PCDH9: variants seen among roughly 807,000 people sequenced by gnomAD.
PCDH9 encodes the protein protocadherin-9.
In PCDH9, 24 loss-of-function variants were observed where a neutral mutation model predicts 70.6. The observed-to-expected ratio is 0.34, with a 90% CI of 0.25 to 0.48. The LOEUF (loss-of-function observed/expected upper bound fraction) is 0.48, where lower values mean the gene tolerates loss of function less well. Ranked by LOEUF, PCDH9 falls within the 20% of genes least tolerant of loss-of-function variation. PCDH9 has a pLI of 0.99. For synonymous variants in PCDH9, 562 were observed against 558.5 expected, an observed-to-expected ratio of 1.01 and a Z score of -0.09; for missense variants, 1,281 against 1,503.6, an observed-to-expected ratio of 0.85 and a Z score of 2.45.
rs527413242 is a variant in PCDH9, at chr13:66,818,095, C to T, written c.3138+85409G>A. ...ACGGACAGTTTTAATTGGCTTTCTT[C>T]ATTAATAACACTTTCATTTTAGGAC... On this transcript the variant is annotated intron_variant, in intron 3 of 4. Transcript: ENST00000377865. Among the ~76,000 whole-genome samples the T allele has an allele frequency of 9.2e-5, 14 of 152,270 alleles. 1 individual carries two copies. Among genetic ancestry groups the T allele is most frequent in the African/African-American group, 3.4e-4 (14 of 41,576 alleles).
chr13:66,851,477 A>G (rs1432530100), intron 3 of PCDH9, among the ~76,000 whole-genome samples: 4 of 152,150 alleles, frequency 2.6e-5, no homozygotes, highest in African/African-American at 7.2e-5. Flanking sequence ...GAGTTAAATT[A>G]CACACATCTA....
intron 2 of PCDH9, among the ~76,000 whole-genome samples, chr13:66,937,679 T>C (rs2082939090): frequency 6.6e-6 from 1 of 152,160 alleles, no homozygotes; most frequent in East Asian, 1.9e-4. Flanking sequence ...AATGGCTGAG[T>C]ATTGACCAAT....
intron 4 of PCDH9, among the ~76,000 whole-genome samples, chr13:66,463,571 G>A (rs2138460196): frequency 6.6e-6 from 1 of 151,924 alleles, no homozygotes; most frequent in Middle Eastern, 3.4e-3. Flanking sequence ...CAACAGGTCT[G>A]GATTGTGGCC....
intron 2 of PCDH9, among the ~76,000 whole-genome samples, chr13:66,941,176 T>G (rs907436061): frequency 6.6e-6 from 1 of 151,820 alleles, no homozygotes; most frequent in Non-Finnish European, 1.5e-5. Context: ...TATATATGAA[T>G]GGATATAGTA....
intron 3 of PCDH9, among the ~76,000 whole-genome samples, chr13:66,769,827 T>G (rs9317611): frequency 0.5 from 76,673 of 151,924 alleles, 21,642 homozygotes; most frequent in Middle Eastern, 0.65. Context: ...AGTTGTGGGA[T>G]CTGACGTGAA....
At chr13:67,138,515 G>A (rs2138349781) in intron 2 of PCDH9, among the ~76,000 whole-genome samples, 1 of 152,274 alleles carries the variant, frequency 6.6e-6, no homozygotes, top group East Asian at 1.9e-4. Context: ...GGAAATATCT[G>A]CTCCAGAGGG....
At chr13:67,052,008 C>A (rs1050688108) in intron 2 of PCDH9, among the ~76,000 whole-genome samples, 2 of 152,026 alleles carry the variant, frequency 1.3e-5, no homozygotes, top group Non-Finnish European at 2.9e-5. Context: ...CATTATTGTC[C>A]AATTTTATAG....
At chr13:67,016,514 A>C (rs891825441) in intron 2 of PCDH9, among the ~76,000 whole-genome samples, 3 of 152,188 alleles carry the variant, frequency 2.0e-5, no homozygotes, top group Non-Finnish European at 2.9e-5. Context: ...ATAGAGAGGA[A>C]GTTATTGTGT....
chr13:67,202,863 C>A (rs940512890), intron 2 of PCDH9: 6 of 151,854 alleles, frequency 4.0e-5, no homozygotes, highest in Non-Finnish European at 7.4e-5. Flanking sequence ...TGTGTGTGTG[C>A]TGTGTGTATG....
At chr13:66,458,210 A>T (rs1958356097) in intron 4 of PCDH9, among the ~76,000 whole-genome samples, 1 of 152,022 alleles carries the variant, frequency 6.6e-6, no homozygotes, top group Non-Finnish European at 1.5e-5. Context: ...ATTTTTGTTG[A>T]AACTTGCATA....
chr13:66,456,595 T>C (rs796201789), intron 4 of PCDH9, among the ~76,000 whole-genome samples: 16 of 152,236 alleles, frequency 1.1e-4, no homozygotes, highest in African/African-American at 3.8e-4. Flanking sequence ...CTCTGTTCAA[T>C]ATTACTTTAT....
chr13:66,764,827 T>C (rs9571657), intron 3 of PCDH9, among the ~76,000 whole-genome samples: 11,897 of 151,990 alleles, frequency 0.078, 519 homozygotes, highest in East Asian at 0.14. Flanking sequence ...TTTTCATATA[T>C]ATAATTAATT....
At chr13:66,944,302 C>T (rs1338208344) in intron 2 of PCDH9, among the ~76,000 whole-genome samples, 2 of 152,160 alleles carry the variant, frequency 1.3e-5, no homozygotes, top group Admixed American at 6.5e-5. Context: ...ATTCAGACAA[C>T]ATATTTAGCA....
At chr13:66,932,711 A>G in intron 2 of PCDH9, among the ~76,000 whole-genome samples, 1 of 141,010 alleles carries the variant, frequency 7.1e-6, no homozygotes. Context: ...TATATATCAT[A>G]CATACATATG....
intron 2 of PCDH9, among the ~76,000 whole-genome samples, chr13:66,965,330 C>A (rs2083413337): frequency 6.6e-6 from 1 of 152,068 alleles, no homozygotes; most frequent in South Asian, 2.1e-4. Flanking sequence ...TGTCAAAAAA[C>A]ACAATGGCCA....
chr13:66,832,846 G>A (rs898536647), intron 3 of PCDH9, among the ~76,000 whole-genome samples: 2 of 151,906 alleles, frequency 1.3e-5, no homozygotes, highest in African/African-American at 2.4e-5. Flanking sequence ...ACTATGATAC[G>A]ATACCAGTTA....
intron 3 of PCDH9, among the ~76,000 whole-genome samples, chr13:66,675,755 T>C (rs1410161813): frequency 6.6e-6 from 1 of 152,106 alleles, no homozygotes; most frequent in Non-Finnish European, 1.5e-5. Context: ...CCTTAACCTG[T>C]CCTTCATCTT....
intron 3 of PCDH9, among the ~76,000 whole-genome samples, chr13:66,640,875 T>C (rs1427334498): frequency 6.6e-6 from 1 of 152,132 alleles, no homozygotes; most frequent in Non-Finnish European, 1.5e-5. Context: ...TATTTAACTT[T>C]TGGATTTTTT....
Position 67,225,579 on chromosome 13 carries a change from A to C in PCDH9, c.2862T>G (p.Thr954=). 1 of 1,614,054 alleles carries C rather than the reference A, an allele frequency of 6.2e-7. No homozygotes were observed. Among genetic ancestry groups the C allele is most frequent in the Non-Finnish European group, 8.5e-7 (1 of 1,180,000 alleles). ...PQPAFHLKPD[T]PVSVKKHHVI... ...CGTGGTGCTTTTTCACGGAAACTGG[A>C]GTGTCTGGTTTGAGATGAAAAGCAG... is the stretch of plus-strand genomic sequence containing the variant. Residue 954 remains threonine (T), a synonymous_variant, in exon 2 of 5, where the codon ACT becomes ACG. Transcript: ENST00000377865.
Sources: gnomAD v4.1 joint callset for allele counts (sites outside exome capture counted in the v4.1 genomes callset) on GRCh38, gnomAD v4.1.1 for gene constraint, MANE v1.5 for transcripts, NCBI Gene and HGNC (gene_info 2026-07-23, HGNC 2026-07-21) for gene names.